The following ZNF569 variants were observed in gnomAD, a reference collection of about 807,000 sequenced individuals.
ZNF569 encodes zinc finger protein 569, also known as DNA-binding protein.
ZNF569 carries 38 observed loss-of-function variants against 56.3 expected under a neutral mutation model. The ratio of observed to expected loss-of-function variants is 0.68; its 90% confidence interval spans 0.52 to 0.88. The LOEUF (loss-of-function observed/expected upper bound fraction) is 0.88. Ranked by LOEUF, ZNF569 falls within the 40% of genes least tolerant of loss-of-function variation. The pLI, the probability that ZNF569 is intolerant of heterozygous loss-of-function variation, is 0.00. For missense variants in ZNF569, 666 were observed against 809.2 expected, an observed-to-expected ratio of 0.82 and a Z score of 2.15; for synonymous variants, 241 against 262.9, an observed-to-expected ratio of 0.92 and a Z score of 0.81.
chr19:37,418,968 T>C (rs1185056109), intron 5 of ZNF569, among the ~76,000 whole-genome samples: 1 of 152,222 alleles, frequency 6.6e-6, no homozygotes, highest in African/African-American at 2.4e-5. Flanking sequence ...GCATCTGTTA[T>C]TTTTTGACTT....
At chr19:37,447,886 C>G (rs1191452570) in intron 2 of ZNF569, among the ~76,000 whole-genome samples, 1 of 152,162 alleles carries the variant, frequency 6.6e-6, no homozygotes, top group Non-Finnish European at 1.5e-5. Context: ...TTACAGTCAA[C>G]TGTAGTAATT....
At chr19:37,443,071 C>T (rs1484761278) in intron 3 of ZNF569, among the ~76,000 whole-genome samples, 3 of 152,162 alleles carry the variant, frequency 2.0e-5, no homozygotes, top group East Asian at 1.9e-4. Context: ...AATACATGGT[C>T]GGCCGGGTGC....
At chr19:37,464,419 G>A (rs2041800872) in intron 2 of ZNF569, among the ~76,000 whole-genome samples, 1 of 152,160 alleles carries the variant, frequency 6.6e-6, no homozygotes, top group African/African-American at 2.4e-5. Flanking sequence ...TCGATCTCCT[G>A]ACCTCGTGAT....
chr19:37,439,156 C>T (rs559021296), intron 3 of ZNF569, among the ~76,000 whole-genome samples: 33 of 152,230 alleles, frequency 2.2e-4, no homozygotes, highest in Middle Eastern at 3.4e-3. Flanking sequence ...CTGAAACCTC[C>T]GCCTCCCGGG....
chr19:37,430,918 G>A (rs1418022926), intron 3 of ZNF569, among the ~76,000 whole-genome samples: 1 of 152,178 alleles, frequency 6.6e-6, no homozygotes, highest in African/African-American at 2.4e-5. Context: ...ACTTTTCATT[G>A]GAACTCAGTG....
At chr19:37,436,675 T>C (rs2041314491) in intron 3 of ZNF569, among the ~76,000 whole-genome samples, 1 of 151,986 alleles carries the variant, frequency 6.6e-6, no homozygotes, top group African/African-American at 2.4e-5. Flanking sequence ...AAAGGATCAT[T>C]AGAAGCTACT....
At chr19:37,430,169 T>A (rs1437147286) in intron 3 of ZNF569, among the ~76,000 whole-genome samples, 1 of 148,566 alleles carries the variant, frequency 6.7e-6, no homozygotes, top group Non-Finnish European at 1.5e-5. Flanking sequence ...CACTCCAGCC[T>A]GGGTGACAGA....
intron 5 of ZNF569, among the ~76,000 whole-genome samples, chr19:37,415,906 AAAG>A (rs913021307): frequency 1.3e-5 from 2 of 151,478 alleles, no homozygotes; most frequent in Admixed American, 1.3e-4. Context: ...AGAAAAAAAA[AAAG>A]AATATTAAGA....
chr19:37,412,885 A>G lies in ZNF569; in HGVS notation c.1773T>C (p.Thr591=). The G allele has an allele frequency of 6.2e-7, 1 of 1,613,768 alleles. No homozygotes were observed. The highest frequency in any genetic ancestry group is 8.5e-7 in the Non-Finnish European group (1 of 1,179,894). ...NECGKAFSQR[T]SLIVHMRGHT... ...GGCCTCTCATGTGCACAATAAGGGAAGTTCTTTGAGAGAAGGCTTTCCCAC... is the reference window on the plus strand; with the variant it reads ...GGCCTCTCATGTGCACAATAAGGGAGGTTCTTTGAGAGAAGGCTTTCCCAC... The change falls in exon 6 of 6, where the codon ACT becomes ACC. Residue 591 remains threonine, a synonymous_variant. Coordinates refer to ENST00000316950, the MANE Select transcript of ZNF569 (RefSeq NM_152484.3).
At chr19:37,469,228 C>A, upstream of ZNF569, 2 of 1,353,378 alleles carry the variant, frequency 1.5e-6, no homozygotes, top group South Asian at 1.6e-5. Context: ...CTGCGCGGAG[C>A]TGCACCGCTG....
intron 2 of ZNF569, among the ~76,000 whole-genome samples, chr19:37,447,941 T>C (rs2041525917): frequency 6.6e-6 from 1 of 152,236 alleles, no homozygotes; most frequent in Non-Finnish European, 1.5e-5. Flanking sequence ...ATTCCCAAGA[T>C]GAACCCTATT....
upstream of ZNF569, chr19:37,469,165 G>A (rs2041907084): frequency 8.6e-7 from 1 of 1,167,894 alleles, no homozygotes; most frequent in Non-Finnish European, 1.1e-6. Flanking sequence ...CTGGAAGGCC[G>A]GGGAGAGGCC....
intron 2 of ZNF569, among the ~76,000 whole-genome samples, chr19:37,461,512 G>A (rs560058371): frequency 1.3e-5 from 2 of 152,028 alleles, no homozygotes; most frequent in Non-Finnish European, 2.9e-5. Context: ...TCACCATGTT[G>A]GTCAGGATGG....
intron 2 of ZNF569, among the ~76,000 whole-genome samples, chr19:37,445,299 C>A (rs1299968584): frequency 6.6e-6 from 1 of 151,972 alleles, no homozygotes; most frequent in Non-Finnish European, 1.5e-5. Flanking sequence ...TTAAGACAGT[C>A]ATAATTAGCA....
intron 2 of ZNF569, among the ~76,000 whole-genome samples, chr19:37,451,490 G>A (rs1205698373): frequency 6.7e-6 from 1 of 150,324 alleles, no homozygotes; most frequent in Non-Finnish European, 1.5e-5. Context: ...TTATTGATTT[G>A]TCAGGAAGTT....
chr19:37,426,039 A>T, intron 4 of ZNF569, 76 bp from the exon 5 acceptor site: 1 of 1,497,554 alleles, frequency 6.7e-7, no homozygotes, highest in Non-Finnish European at 9.2e-7. Context: ...AGGCTGGCCC[A>T]GGAAAACCAG....
At chr19:37,467,963 G>A, upstream of ZNF569, 2 of 1,535,742 alleles carry the variant, frequency 1.3e-6, no homozygotes, top group Middle Eastern at 1.7e-4. Flanking sequence ...CATGACCCGG[G>A]ATCGTGAGCG....
At chr19:37,446,415 T>G (rs1302323712) in intron 2 of ZNF569, among the ~76,000 whole-genome samples, 1 of 151,964 alleles carries the variant, frequency 6.6e-6, no homozygotes, top group Non-Finnish European at 1.5e-5. Context: ...CCAGGCATGG[T>G]GGCAGGTGCC....
At chr19:37,456,777 G>A (rs1305030801) in intron 2 of ZNF569, among the ~76,000 whole-genome samples, 2 of 151,992 alleles carry the variant, frequency 1.3e-5, no homozygotes, top group Non-Finnish European at 2.9e-5. Flanking sequence ...GATTGGCCTC[G>A]CCAACATAGT....
Sources: gnomAD v4.1 joint callset for allele counts (sites outside exome capture counted in the v4.1 genomes callset) on GRCh38, gnomAD v4.1.1 for gene constraint, MANE v1.5 for transcripts, NCBI Gene and HGNC (gene_info 2026-07-23, HGNC 2026-07-21) for gene names.